HMGB1: variants seen among roughly 807,000 people sequenced by gnomAD.
The protein encoded by HMGB1 is high mobility group protein B1.
For missense variants in HMGB1, 79 were observed against 253.5 expected (o/e 0.31, Z 4.67); for synonymous variants, 81 against 84.0 (o/e 0.96, Z 0.19).
chr13:30,470,390 T>C (rs535330092), upstream of HMGB1, among the ~76,000 whole-genome samples: 2 of 152,360 alleles, frequency 1.3e-5, no homozygotes, highest in Admixed American at 6.5e-5. Flanking sequence ...AAGAAGCGAA[T>C]GTTAGGATAC....
chr13:30,526,323 C>G (rs1392681728), intron 1 of HMGB1, among the ~76,000 whole-genome samples: 1 of 152,200 alleles, frequency 6.6e-6, no homozygotes, highest in Non-Finnish European at 1.5e-5. Context: ...TCCCAAAGTG[C>G]TGGGTTTATA....
intron 1 of HMGB1, chr13:30,464,541 C>T (rs373207251): frequency 1.0e-6 from 1 of 984,640 alleles, no homozygotes; most frequent in South Asian, 4.7e-5. Context: ...GGCTCCCAGG[C>T]CCGAGGCCGC....
chr13:30,497,027 T>C (rs544750540), intron 1 of HMGB1, among the ~76,000 whole-genome samples: 48 of 152,210 alleles, frequency 3.2e-4, no homozygotes, highest in African/African-American at 1.2e-3. Flanking sequence ...CTTCAGTCTT[T>C]CTCCCCTTCA....
chr13:30,528,498 G>T (rs995254989), intron 1 of HMGB1, among the ~76,000 whole-genome samples: 1 of 152,156 alleles, frequency 6.6e-6, no homozygotes, highest in African/African-American at 2.4e-5. Context: ...AAACTTGTGA[G>T]GTCACGTTTG....
rs150854536 is a variant in HMGB1 at position 30,547,029 on chromosome 13, C to T, written c.-15+69642G>A. On this transcript the variant is annotated intron_variant, in intron 1 of 4. Coordinates refer to the HMGB1 transcript ENST00000405805. The stretch of plus-strand genomic sequence containing the variant: ...TCCTTCAGCATTACTGATGGGTTTT[C>T]AGCAAGGAGCAGAGATAATGTGTGT... Among the ~76,000 whole-genome samples the T allele has an allele frequency of 8.4e-4, 128 of 152,364 alleles. 2 individuals are homozygous for T. In the East Asian group the frequency reaches 0.023, roughly 28 times the overall value.
rs555801639 is a variant in HMGB1 at position 30,556,869 on chromosome 13, T to C, written c.-15+59802A>G. Reference sequence around the variant, plus strand: ...GACTATAGTTAATAATAATACAATATATAGTTTCAAATAGCTGGAAGGATA... The same window carrying C: ...GACTATAGTTAATAATAATACAATACATAGTTTCAAATAGCTGGAAGGATA... On this transcript the variant is annotated intron_variant, in intron 1 of 4. Transcript: ENST00000405805. Among the ~76,000 whole-genome samples, 5 of 152,324 alleles carry C rather than the reference T, an allele frequency of 3.3e-5. No homozygotes were observed. In the South Asian group the frequency reaches 1.0e-3, roughly 32 times the overall value.
At chr13:30,615,020 G>A (rs889762315) in intron 1 of HMGB1, among the ~76,000 whole-genome samples, 4 of 151,894 alleles carry the variant, frequency 2.6e-5, no homozygotes, top group African/African-American at 9.7e-5. Context: ...GAGTTGTCAT[G>A]TTTTATCTAA....
In HMGB1 at chr13:30,460,529, G is replaced by A. The variant is rs1185821341; in HGVS notation, c.*828C>T. Reference sequence around the variant, plus strand: ...ATGGTAATGGGAGTTAAAGAATAGAGTCCTCATGTAAAGGTTAGAACATAC... The same window carrying A: ...ATGGTAATGGGAGTTAAAGAATAGAATCCTCATGTAAAGGTTAGAACATAC... On this transcript the variant is annotated 3_prime_UTR_variant, in exon 5 of 5. Transcript: ENST00000341423. 6.6e-6 allele frequency: 1 copy of A among 152,098 alleles called. No individual in the cohort carries two copies. The highest frequency in any genetic ancestry group is 2.4e-5 in the African/African-American group (1 of 41,274). The allele number at this position is 152,098 out of a possible 1,614,324, so 9.4% of individuals were successfully genotyped here.
At chr13:30,585,581 G>T (rs1474035225) in intron 1 of HMGB1, among the ~76,000 whole-genome samples, 1 of 151,992 alleles carries the variant, frequency 6.6e-6, no homozygotes, top group Non-Finnish European at 1.5e-5. Context: ...GGGAGGCTGA[G>T]GGGGGAGAAT....
In HMGB1 at chr13:30,559,230, C is replaced by T. The variant is rs749698374; in HGVS notation, c.-15+57441G>A. 2.6e-5 allele frequency among the ~76,000 whole-genome samples: 4 copies of T among 152,090 alleles called. No individual in the cohort carries two copies. Among genetic ancestry groups the T allele is most frequent in the East Asian group, 1.9e-4 (1 of 5,182 alleles). On this transcript the variant is annotated intron_variant, in intron 1 of 4. Coordinates refer to the HMGB1 transcript ENST00000405805. This position sits in a 1 kb window ranked among gnomAD's most constrained non-coding sequence, Gnocchi z 6.6. ...TCATTCCTTACCAAGGTACGTTAGG[C>T]ACTGGCCTCACTCCAAGGCCAGTGC... is the stretch of plus-strand genomic sequence containing the variant.
At chr13:30,538,091 G>C (rs1868537461) in intron 1 of HMGB1, among the ~76,000 whole-genome samples, 1 of 152,110 alleles carries the variant, frequency 6.6e-6, no homozygotes, top group Non-Finnish European at 1.5e-5. Flanking sequence ...TCCAGCTGCA[G>C]GTCACAAGTC....
intron 1 of HMGB1, among the ~76,000 whole-genome samples, chr13:30,501,377 G>A (rs1295227565): frequency 6.6e-6 from 1 of 152,014 alleles, no homozygotes; most frequent in African/African-American, 2.4e-5. Flanking sequence ...TAGAGACAAA[G>A]TCTTGCTCTG....
chr13:30,557,839 T>C (rs1203561288), intron 1 of HMGB1, among the ~76,000 whole-genome samples: 2 of 152,212 alleles, frequency 1.3e-5, no homozygotes, highest in Non-Finnish European at 2.9e-5. Context: ...AAGCGGATGT[T>C]AAGAAGAGAG....
chr13:30,492,584 A>G (rs923524230), intron 1 of HMGB1, among the ~76,000 whole-genome samples: 12 of 152,238 alleles, frequency 7.9e-5, no homozygotes, highest in African/African-American at 1.9e-4. Context: ...CTACACACCA[A>G]TGAGAATGGC....
intron 1 of HMGB1, among the ~76,000 whole-genome samples, chr13:30,541,463 A>C (rs1199954839): frequency 6.6e-6 from 1 of 152,180 alleles, no homozygotes; most frequent in African/African-American, 2.4e-5. Flanking sequence ...TTTCAGCACA[A>C]GTCTAAATCT....
intron 1 of HMGB1, among the ~76,000 whole-genome samples, chr13:30,548,302 C>A (rs973742373): frequency 2.0e-5 from 3 of 152,088 alleles, no homozygotes; most frequent in African/African-American, 7.2e-5. Flanking sequence ...TTCCTGTCGC[C>A]ATGTAAAGAA....
intron 1 of HMGB1, among the ~76,000 whole-genome samples, chr13:30,485,152 C>T (rs1887336600): frequency 6.6e-6 from 1 of 151,770 alleles, no homozygotes. Flanking sequence ...CTGCCTCAGC[C>T]TCCCAAGTAG....
intron 1 of HMGB1, among the ~76,000 whole-genome samples, chr13:30,569,372 G>C (rs896572084): frequency 6.6e-6 from 1 of 152,126 alleles, no homozygotes; most frequent in African/African-American, 2.4e-5. Flanking sequence ...TGTCAAAAAA[G>C]TGAATTTTTG....
At chr13:30,489,692 C>T (rs1292826174) in intron 1 of HMGB1, among the ~76,000 whole-genome samples, 1 of 151,580 alleles carries the variant, frequency 6.6e-6, no homozygotes, top group Non-Finnish European at 1.5e-5. Context: ...TTCTTCAGCA[C>T]AGTCTTCTAT....
Sources: allele counts gnomAD v4.1 joint callset (sites outside exome capture counted in the v4.1 genomes callset), GRCh38; gene constraint gnomAD v4.1.1; non-coding constraint Gnocchi (gnomAD v3.1); transcripts MANE v1.5; gene names NCBI Gene and HGNC (gene_info 2026-07-23, HGNC 2026-07-21).